The following ZDHHC20 variants were observed in gnomAD, a reference collection of about 807,000 sequenced individuals.
The protein encoded by ZDHHC20 is zDHHC palmitoyltransferase 20.
A neutral mutation model predicts 57.8 loss-of-function variants in ZDHHC20; 43 were observed. The ratio of observed to expected loss-of-function variants is 0.74; its 90% CI spans 0.58 to 0.96. ZDHHC20 has a LOEUF of 0.96. Ranked by LOEUF, ZDHHC20 falls within the 40% of genes least tolerant of loss-of-function variation. ZDHHC20 has a pLI of 0.00. For synonymous variants in ZDHHC20, 157 were observed against 153.0 expected (o/e 1.03, Z -0.19); for missense variants, 391 against 441.1 (o/e 0.89, Z 1.02).
chr13:21,422,112 T>C (rs1167981090), intron 2 of ZDHHC20, among the ~76,000 whole-genome samples: 1 of 152,110 alleles, frequency 6.6e-6, no homozygotes, highest in Non-Finnish European at 1.5e-5. Context: ...ACACAATAAA[T>C]CCTCAATAAA....
At chr13:21,383,283 G>A (rs1873767045) in intron 9 of ZDHHC20, among the ~76,000 whole-genome samples, 1 of 152,136 alleles carries the variant, frequency 6.6e-6, no homozygotes, top group Non-Finnish European at 1.5e-5. Flanking sequence ...GGTTTTTCCT[G>A]TGCTGTTCTC....
intron 8 of ZDHHC20, among the ~76,000 whole-genome samples, chr13:21,388,168 G>A (rs932864706): frequency 6.6e-6 from 1 of 152,172 alleles, no homozygotes; most frequent in Non-Finnish European, 1.5e-5. Flanking sequence ...GGGGGTGCTT[G>A]TAGGGAAAGG....
chr13:21,404,311 A>G (rs954772586), intron 4 of ZDHHC20: 1 of 502,644 alleles, frequency 2.0e-6, no homozygotes, highest in Non-Finnish European at 4.0e-6. Context: ...AGCTCATTGG[A>G]GCTCCTTTCT....
At chr13:21,439,559 T>C (rs1882911076) in intron 1 of ZDHHC20, among the ~76,000 whole-genome samples, 2 of 151,874 alleles carry the variant, frequency 1.3e-5, no homozygotes. Flanking sequence ...CCTGTACTCT[T>C]AAAAAATCAT....
chr13:21,386,239 G>A (rs951979978), intron 9 of ZDHHC20, among the ~76,000 whole-genome samples: 1 of 152,158 alleles, frequency 6.6e-6, no homozygotes, highest in Non-Finnish European at 1.5e-5. Flanking sequence ...GGAGGACTGT[G>A]AGTGACTGAT....
chr13:21,408,584 C>T (rs989730909), intron 4 of ZDHHC20, among the ~76,000 whole-genome samples: 1 of 152,162 alleles, frequency 6.6e-6, no homozygotes, highest in African/African-American at 2.4e-5. Context: ...TCCTCTCTTC[C>T]TATTTGAATA....
At chr13:21,435,497 T>C (rs1274626602) in intron 1 of ZDHHC20, among the ~76,000 whole-genome samples, 2 of 152,226 alleles carry the variant, frequency 1.3e-5, no homozygotes, top group Admixed American at 1.3e-4. Context: ...AACTGGCTCC[T>C]ACTGGCCAAA....
chr13:21,390,221 A>G (rs1187394974), intron 8 of ZDHHC20: 2 of 152,222 alleles, frequency 1.3e-5, no homozygotes, highest in Non-Finnish European at 2.9e-5. Flanking sequence ...TGCAGATTGC[A>G]GGTGGATTTT....
intron 1 of ZDHHC20, among the ~76,000 whole-genome samples, chr13:21,443,142 T>C (rs1304828912): frequency 1.3e-5 from 2 of 152,200 alleles, no homozygotes; most frequent in African/African-American, 2.4e-5. Flanking sequence ...CTTCCAGCTA[T>C]TTCCTTCTTT....
intron 2 of ZDHHC20, among the ~76,000 whole-genome samples, chr13:21,423,673 CAAAAA>C (rs970763214): frequency 3.0e-4 from 41 of 134,884 alleles, no homozygotes; most frequent in African/African-American, 1.1e-3. Flanking sequence ...GACTCCATCT[CAAAAA>C]AAAAAGAAAA....
intron 1 of ZDHHC20, among the ~76,000 whole-genome samples, chr13:21,453,613 T>A (rs994000682): frequency 3.9e-5 from 6 of 152,152 alleles, no homozygotes; most frequent in Admixed American, 3.9e-4. Flanking sequence ...AGGATTTAAG[T>A]CATACAAAGT....
chr13:21,456,993 T>C (rs534028295), intron 1 of ZDHHC20, among the ~76,000 whole-genome samples: 2 of 152,330 alleles, frequency 1.3e-5, no homozygotes, highest in African/African-American at 4.8e-5. Flanking sequence ...AAAGGACCTA[T>C]TCGCTCAGTC....
At chr13:21,399,340 G>A (rs1040300062) in intron 7 of ZDHHC20, among the ~76,000 whole-genome samples, 4 of 151,210 alleles carry the variant, frequency 2.6e-5, no homozygotes, top group Non-Finnish European at 4.4e-5. Flanking sequence ...GCAAGATTCC[G>A]TCTCAAATAA....
intron 6 of ZDHHC20, among the ~76,000 whole-genome samples, chr13:21,400,784 C>T (rs1877514014): frequency 6.6e-6 from 1 of 151,710 alleles, no homozygotes; most frequent in Non-Finnish European, 1.5e-5. Context: ...AATCTCGGCT[C>T]ACTGCAACCT....
At chr13:21,407,752 G>T (rs1414558590) in intron 4 of ZDHHC20, among the ~76,000 whole-genome samples, 1 of 152,156 alleles carries the variant, frequency 6.6e-6, no homozygotes, top group East Asian at 1.9e-4. Flanking sequence ...ATGGTTTTAG[G>T]TCTTATATTT....
chr13:21,444,260 A>G (rs996690837), intron 1 of ZDHHC20, among the ~76,000 whole-genome samples: 1 of 152,198 alleles, frequency 6.6e-6, no homozygotes, highest in Non-Finnish European at 1.5e-5. Flanking sequence ...GACTGCCTGG[A>G]AGTCACAGAA....
Position 21,392,200 on chromosome 13 carries a change from G to C in ZDHHC20, c.595-346C>G, listed in dbSNP as rs1406602350. Reference sequence around the variant, plus strand: ...TAGGCCATCCTGGGCAACACAGTGAGACCCTGTCTCATAAAAAAAAAAAAA... The same window carrying C: ...TAGGCCATCCTGGGCAACACAGTGACACCCTGTCTCATAAAAAAAAAAAAA... On this transcript the variant is annotated intron_variant, in intron 7 of 12. Coordinates refer to ENST00000400590, the MANE Select transcript of ZDHHC20 (RefSeq NM_001330059.2). Among the ~76,000 whole-genome samples the C allele has an allele frequency of 2.8e-5, 4 of 141,234 alleles. No homozygotes were observed. The East Asian group carries it at 8.4e-4, about 29-fold the overall frequency. The allele number at this position is 141,234 out of a possible 152,430, so 92.7% of individuals were successfully genotyped here. A position where few individuals can be genotyped will look rare whatever the true frequency, so the allele number is the denominator to read the frequency against.
chr13:21,451,816 CCT>C, intron 1 of ZDHHC20, among the ~76,000 whole-genome samples: 1 of 151,830 alleles, frequency 6.6e-6, no homozygotes, highest in Admixed American at 6.6e-5. Flanking sequence ...ATGGTGAAAC[CCT>C]GTCTCTACTA....
intron 1 of ZDHHC20, among the ~76,000 whole-genome samples, chr13:21,436,166 T>C (rs1270739604): frequency 1.3e-5 from 2 of 152,186 alleles, no homozygotes; most frequent in Admixed American, 6.5e-5. Flanking sequence ...TCTAATAGAA[T>C]ATTAATTACA....
Sources: allele counts gnomAD v4.1 joint callset (sites outside exome capture counted in the v4.1 genomes callset), GRCh38; gene constraint gnomAD v4.1.1; transcripts MANE v1.5; gene names NCBI Gene and HGNC (gene_info 2026-07-23, HGNC 2026-07-21).